Variants in SORCS1 observed in about 807,000 individuals in gnomAD.
SORCS1 encodes the protein VPS10 domain-containing receptor SorCS1.
A neutral mutation model predicts 146.1 loss-of-function variants in SORCS1; 60 were observed. The ratio of observed to expected loss-of-function variants is 0.41; its 90% CI spans 0.33 to 0.51. The LOEUF (loss-of-function observed/expected upper bound fraction) is 0.51, where lower values mean the gene tolerates loss of function less well. Among genes scored for constraint, SORCS1 ranks in the 20% least tolerant of loss-of-function variants. The pLI, the probability that SORCS1 is intolerant of heterozygous loss-of-function variation, is 0.21. For synonymous variants in SORCS1, 637 were observed against 584.0 expected (o/e 1.09, Z -1.31); for missense variants, 1,352 against 1,487.6 (o/e 0.91, Z 1.50).
intron 5 of SORCS1, among the ~76,000 whole-genome samples, chr10:106,732,674 G>A (rs1458269074): frequency 6.6e-6 from 1 of 152,134 alleles, no homozygotes; most frequent in Admixed American, 6.5e-5. Flanking sequence ...TAGTGTCAAC[G>A]GGAGGCAAAA....
intron 2 of SORCS1, among the ~76,000 whole-genome samples, chr10:106,928,913 CTATA>C (rs35979026): frequency 6.7e-6 from 1 of 149,494 alleles, no homozygotes; most frequent in Non-Finnish European, 1.5e-5. Context: ...ATATATATAC[CTATA>C]TATATATATT....
Position 107,052,717 on chromosome 10 carries a change from ATCTCCATGAATTC to A in SORCS1, c.559-96150_559-96138del, listed in dbSNP as rs1468153724. On this transcript the variant is annotated intron_variant, in intron 1 of 25. Coordinates refer to ENST00000263054, the MANE Select transcript of SORCS1 (RefSeq NM_052918.5). ...ATTTATTTTCCTCTTCTTCTCATAT[ATCTCCATGAATTC>A]TTATTCTGCTACCTGTCAACTTCTG... is the stretch of plus-strand genomic sequence containing the variant. 1.1e-4 allele frequency among the ~76,000 whole-genome samples: 16 copies of A among 152,222 alleles called. No homozygotes were observed. The East Asian group carries it at 2.9e-3, about 28-fold the overall frequency.
chr10:107,015,285 C>T (rs35810254), intron 1 of SORCS1, among the ~76,000 whole-genome samples: 15,559 of 152,172 alleles, frequency 0.1, 1,794 homozygotes, highest in African/African-American at 0.28. Flanking sequence ...ATAGATGGGC[C>T]TTACTCAGTA....
At chr10:106,610,154 G>A (rs1846879806) in intron 22 of SORCS1, among the ~76,000 whole-genome samples, 1 of 152,034 alleles carries the variant, frequency 6.6e-6, no homozygotes. Context: ...GAGGTGGGTG[G>A]CATTGCTCAG....
chr10:106,916,647 A>G (rs1952447149), intron 2 of SORCS1, among the ~76,000 whole-genome samples: 1 of 149,670 alleles, frequency 6.7e-6, no homozygotes, highest in African/African-American at 2.4e-5. Context: ...AAAAAAATTT[A>G]TAAAATAATA....
chr10:106,819,179 T>G (rs1947890612), intron 3 of SORCS1, among the ~76,000 whole-genome samples: 1 of 152,228 alleles, frequency 6.6e-6, no homozygotes, highest in Admixed American at 6.5e-5. Flanking sequence ...CACTGTTCTT[T>G]GCTGGTTTTG....
At chr10:106,830,716 C>T (rs59373880) in intron 2 of SORCS1, among the ~76,000 whole-genome samples, 3,414 of 151,082 alleles carry the variant, frequency 0.023, 123 homozygotes, top group African/African-American at 0.076. Flanking sequence ...GCCAACGTTG[C>T]GACACTCCTT....
chr10:107,133,624 G>T (rs552510862), intron 1 of SORCS1, among the ~76,000 whole-genome samples: 2 of 152,282 alleles, frequency 1.3e-5, no homozygotes, highest in East Asian at 3.9e-4. Context: ...CCAGGCTGCT[G>T]GAAGGCCTTT....
chr10:106,950,318 G>A lies in SORCS1; in HGVS notation c.626+6195C>T, dbSNP rs986529535. ...GCCTGGTTTGTTGATATCCAGCAAG[G>A]CTTACAGCCCTAGGACATCACTATA... is the stretch of plus-strand genomic sequence containing the variant. On this transcript the variant is annotated intron_variant, in intron 2 of 25. Coordinates refer to ENST00000263054, the MANE Select transcript of SORCS1 (RefSeq NM_052918.5). Among the ~76,000 whole-genome samples the A allele has an allele frequency of 7.9e-5, 12 of 152,210 alleles. No individual in the cohort carries two copies. The South Asian group carries it at 1.0e-3, about 13-fold the overall frequency.
intron 8 of SORCS1, among the ~76,000 whole-genome samples, chr10:106,703,290 C>T (rs1396939810): frequency 6.6e-6 from 1 of 152,076 alleles, no homozygotes; most frequent in Admixed American, 6.6e-5. Context: ...AATCAAGCAG[C>T]CTTCACATCA....
intron 1 of SORCS1, among the ~76,000 whole-genome samples, chr10:107,109,648 G>A (rs1965551751): frequency 6.6e-6 from 1 of 152,146 alleles, no homozygotes; most frequent in Non-Finnish European, 1.5e-5. Context: ...CCATTCTCTG[G>A]GATATTAACA....
At chr10:107,032,042 G>C (rs1456911481) in intron 1 of SORCS1, among the ~76,000 whole-genome samples, 1 of 152,160 alleles carries the variant, frequency 6.6e-6, no homozygotes, top group Non-Finnish European at 1.5e-5. Flanking sequence ...ATAGGACTCA[G>C]TGGTAGCATT....
At chr10:107,015,587 A>G (rs1957864243) in intron 1 of SORCS1, among the ~76,000 whole-genome samples, 1 of 152,210 alleles carries the variant, frequency 6.6e-6, no homozygotes, top group African/African-American at 2.4e-5. Flanking sequence ...TATGAAAACA[A>G]TATCCATAGT....
intron 3 of SORCS1, among the ~76,000 whole-genome samples, chr10:106,818,136 T>A (rs2136884460): frequency 6.6e-6 from 1 of 152,350 alleles, no homozygotes; most frequent in Non-Finnish European, 1.5e-5. Context: ...ATTAATCTCT[T>A]CTTAATATTA....
At chr10:106,936,999 C>A (rs1411482508) in intron 2 of SORCS1, among the ~76,000 whole-genome samples, 1 of 152,134 alleles carries the variant, frequency 6.6e-6, no homozygotes, top group Non-Finnish European at 1.5e-5. Context: ...GTACTAATAA[C>A]CCCATTTACC....
At chr10:106,998,093 T>A (rs991517664) in intron 1 of SORCS1, among the ~76,000 whole-genome samples, 1 of 152,266 alleles carries the variant, frequency 6.6e-6, no homozygotes, top group African/African-American at 2.4e-5. Flanking sequence ...AGCCTCCTTG[T>A]GCGAATGTCA....
At chr10:106,932,427 G>A (rs1953467963) in intron 2 of SORCS1, among the ~76,000 whole-genome samples, 1 of 152,138 alleles carries the variant, frequency 6.6e-6, no homozygotes, top group Non-Finnish European at 1.5e-5. Context: ...GGAATCTTAA[G>A]TTGTTATTTA....
At chr10:106,937,563 C>T (rs180836186) in intron 2 of SORCS1, among the ~76,000 whole-genome samples, 9 of 152,296 alleles carry the variant, frequency 5.9e-5, no homozygotes, top group African/African-American at 1.9e-4. Flanking sequence ...TCCTCCTTCA[C>T]CTTCCACCAT....
At chr10:106,757,681 C>G (rs1262819046) in intron 5 of SORCS1, among the ~76,000 whole-genome samples, 1 of 152,222 alleles carries the variant, frequency 6.6e-6, no homozygotes, top group African/African-American at 2.4e-5. Context: ...ACAGTTGGCA[C>G]TGTGGTCAAA....
Sources: gnomAD v4.1 joint callset for allele counts (sites outside exome capture counted in the v4.1 genomes callset) on GRCh38, gnomAD v4.1.1 for gene constraint, MANE v1.5 for transcripts, NCBI Gene and HGNC (gene_info 2026-07-23, HGNC 2026-07-21) for gene names.